USP6NL: variants seen among roughly 807,000 people sequenced by gnomAD.
USP6NL encodes the protein USP6 N-terminal-like protein.
Under a neutral mutation model 61.9 loss-of-function variants are expected in USP6NL, and 26 were observed. The ratio of observed to expected loss-of-function variants is 0.42; its 90% CI spans 0.31 to 0.58. The LOEUF (loss-of-function observed/expected upper bound fraction) is 0.58, where lower values mean the gene tolerates loss of function less well. USP6NL is among the 20% of genes least tolerant of loss of function. USP6NL has a pLI of 0.16. For synonymous variants in USP6NL, 432 were observed against 390.1 expected (o/e 1.11, Z -1.27); for missense variants, 1,114 against 1,034.3 (o/e 1.08, Z -1.06).
chr10:11,535,421 A>G (rs894744240), intron 2 of USP6NL, among the ~76,000 whole-genome samples: 1 of 152,240 alleles, frequency 6.6e-6, no homozygotes, highest in Non-Finnish European at 1.5e-5. Flanking sequence ...TTAAAGACGA[A>G]GCACCATGCA....
At chr10:11,571,698 T>C (rs963741154) in intron 2 of USP6NL, among the ~76,000 whole-genome samples, 1 of 151,852 alleles carries the variant, frequency 6.6e-6, no homozygotes, top group East Asian at 1.9e-4. Context: ...TATTTGTCCA[T>C]ATGACTTTTT....
At position 11,460,885 on chromosome 10, in the gene USP6NL, AGT is replaced by A. The variant is rs376103587; in HGVS notation, c.*1554_*1555del. On this transcript the variant is annotated 3_prime_UTR_variant, in exon 15 of 15. Transcript: ENST00000609104. ...CAGAATTTTGTTTGCGTTTCAATGT[AGT>A]GTTTAGCTTTAATACACTGCACTTG... 1.0e-4 allele frequency: 16 copies of A among 152,458 alleles called. No individual in the cohort carries two copies. The East Asian group carries it at 3.1e-3, about 29-fold the overall frequency. The allele number at this position is 152,458 out of a possible 1,614,324, so 9.4% of individuals were successfully genotyped here.
Position 11,528,463 on chromosome 10 carries a change from A to G in USP6NL, c.5-896T>C, listed in dbSNP as rs930965878. Among the ~76,000 whole-genome samples, 12 of 152,176 alleles carry G rather than the reference A, an allele frequency of 7.9e-5. No homozygotes were observed. The highest frequency in any genetic ancestry group is 2.9e-4 in the African/African-American group (12 of 41,440). The stretch of plus-strand genomic sequence containing the variant: ...GCCAGGCAGCAAATACTGTGCTAAT[A>G]AGCACTTTACCCTGCCTTACCACAT... On this transcript the variant is annotated intron_variant, in intron 2 of 14. Transcript: ENST00000609104. The surrounding 1 kb of genome is among the most constrained non-coding windows in gnomAD (Gnocchi z 4.6).
intron 2 of USP6NL, among the ~76,000 whole-genome samples, chr10:11,579,960 T>C (rs1432316620): frequency 1.0e-5 from 1 of 98,086 alleles, no homozygotes. Flanking sequence ...CAGTGGAGAG[T>C]GGCGGGGGGG....
chr10:11,603,439 C>T (rs1008428515), intron 1 of USP6NL, among the ~76,000 whole-genome samples: 11 of 152,144 alleles, frequency 7.2e-5, no homozygotes, highest in African/African-American at 2.4e-4. Flanking sequence ...AATGCCTGTG[C>T]TCCATAGATA....
chr10:11,577,631 G>A (rs1801547048), intron 2 of USP6NL, among the ~76,000 whole-genome samples: 1 of 152,100 alleles, frequency 6.6e-6, no homozygotes, highest in African/African-American at 2.4e-5. Context: ...CTCCCGAGTA[G>A]CTGGGATTAC....
rs558901276 is a variant in USP6NL, at chr10:11,555,415, TAAAA to T, written c.5-27852_5-27849del. 4.8e-3 allele frequency among the ~76,000 whole-genome samples: 130 copies of T among 26,862 alleles called. 1 individual carries two copies. Among genetic ancestry groups the T allele is most frequent in the African/African-American group, 0.013 (87 of 6,562 alleles). 17.6% of individuals were successfully genotyped at this position (26,862 alleles called of 152,430 possible). The stretch of plus-strand genomic sequence containing the variant: ...GGGCAACAAGAGTGAAACTCGGTCT[TAAAA>T]AAAAAAAAAAAAAAATATATATATA... On this transcript the variant is annotated intron_variant, in intron 2 of 14. Coordinates refer to ENST00000609104, the MANE Select transcript of USP6NL (RefSeq NM_014688.5).
intron 2 of USP6NL, among the ~76,000 whole-genome samples, chr10:11,559,785 T>C (rs574764674): frequency 1.3e-5 from 2 of 152,320 alleles, no homozygotes; most frequent in South Asian, 2.1e-4. Context: ...TTTGTTCCAA[T>C]AGTGCACCAG....
At chr10:11,576,791 C>T (rs1373672620) in intron 2 of USP6NL, among the ~76,000 whole-genome samples, 1 of 152,138 alleles carries the variant, frequency 6.6e-6, no homozygotes, top group African/African-American at 2.4e-5. Context: ...GAAAAAAATC[C>T]TCCCTCTCTG....
intron 5 of USP6NL, among the ~76,000 whole-genome samples, chr10:11,514,822 A>T (rs1050379994): frequency 1.3e-5 from 2 of 152,198 alleles, no homozygotes; most frequent in African/African-American, 4.8e-5. Flanking sequence ...TACTTCTCTC[A>T]GAATGTCAGA....
intron 2 of USP6NL, among the ~76,000 whole-genome samples, chr10:11,567,773 G>A (rs1837217827): frequency 6.6e-6 from 1 of 152,140 alleles, no homozygotes; most frequent in African/African-American, 2.4e-5. Flanking sequence ...CTTACAGTGT[G>A]GCAGGCACTG....
At position 11,490,970 on chromosome 10, in the gene USP6NL, GA is replaced by G; in HGVS notation, c.495-91del. Reference sequence around the variant, plus strand: ...TAAAAAAATAAACCAAAGACTGACTGAAAACAGATAATCCAGATAAAATTAC... The same window carrying G: ...TAAAAAAATAAACCAAAGACTGACTGAAACAGATAATCCAGATAAAATTAC... On this transcript the variant is annotated intron_variant, in intron 8 of 14. Coordinates refer to ENST00000609104, the MANE Select transcript of USP6NL (RefSeq NM_014688.5). The surrounding 1 kb of genome is among the most constrained non-coding windows in gnomAD (Gnocchi z 4.5). 1.8e-6 allele frequency: 2 copies of G among 1,123,324 alleles called. No homozygotes were observed. The highest frequency in any genetic ancestry group is 2.5e-6 in the Non-Finnish European group (2 of 802,534). 69.6% of individuals were successfully genotyped at this position (1,123,324 alleles called of 1,614,324 possible).
At chr10:11,570,058 G>GCT (rs1430904859) in intron 2 of USP6NL, among the ~76,000 whole-genome samples, 6 of 152,244 alleles carry the variant, frequency 3.9e-5, no homozygotes, top group African/African-American at 1.2e-4. Flanking sequence ...AAGCTAGCTA[G>GCT]CTAGCCTTTA....
chr10:11,524,064 A>T (rs1045086266), intron 4 of USP6NL, among the ~76,000 whole-genome samples: 4 of 152,196 alleles, frequency 2.6e-5, no homozygotes, highest in Non-Finnish European at 4.4e-5. Flanking sequence ...TTGATTTTTT[A>T]AAAAAGTAGG....
At position 11,474,900 on chromosome 10, in the gene USP6NL, TATAC is replaced by T. The variant is rs1200663215; in HGVS notation, c.1078+6866_1078+6869del. On this transcript the variant is annotated intron_variant, in intron 14 of 14. Coordinates refer to ENST00000609104, the MANE Select transcript of USP6NL (RefSeq NM_014688.5). This position sits in a 1 kb window ranked among gnomAD's most constrained non-coding sequence, Gnocchi z 4.9. Reference sequence around the variant, plus strand: ...GTGGAAGCTGCGGACAGAAAAGTGCTATACCTTACACTAAGGAGTGTGGATGTTC... The same window carrying T: ...GTGGAAGCTGCGGACAGAAAAGTGCTCTTACACTAAGGAGTGTGGATGTTC... Among the ~76,000 whole-genome samples the T allele has an allele frequency of 6.6e-6, 1 of 152,186 alleles. No homozygotes were observed. Among genetic ancestry groups the T allele is most frequent in the African/African-American group, 2.4e-5 (1 of 41,434 alleles).
chr10:11,510,379 T>C lies in USP6NL; in HGVS notation c.196-704A>G, dbSNP rs147758750. Among the ~76,000 whole-genome samples, 15 of 151,920 alleles carry C rather than the reference T, an allele frequency of 9.9e-5. No individual in the cohort carries two copies. The East Asian group carries it at 1.9e-3, about 20-fold the overall frequency. On this transcript the variant is annotated intron_variant, in intron 5 of 14. Coordinates refer to ENST00000609104, the MANE Select transcript of USP6NL (RefSeq NM_014688.5). The surrounding 1 kb of genome is among the most constrained non-coding windows in gnomAD (Gnocchi z 4.8). ...TTTGTTTTTTTTTAATCAAATGCAA[T>C]GTGGGAAAGAATGTTCCAGGCAGCC... is the stretch of plus-strand genomic sequence containing the variant.
chr10:11,523,080 G>GT (rs1835273526), intron 4 of USP6NL, among the ~76,000 whole-genome samples: 1 of 152,010 alleles, frequency 6.6e-6, no homozygotes, highest in African/African-American at 2.4e-5. Flanking sequence ...TCAGCACACA[G>GT]TAAGTGCACA....
rs759480640 is a variant in USP6NL, at chr10:11,537,105, T to C, written c.5-9538A>G. On this transcript the variant is annotated intron_variant, in intron 2 of 14. Coordinates refer to ENST00000609104, the MANE Select transcript of USP6NL (RefSeq NM_014688.5). This position sits in a 1 kb window ranked among gnomAD's most constrained non-coding sequence, Gnocchi z 5.1. The stretch of plus-strand genomic sequence containing the variant: ...TATCTTCATATTCCTCCAGGTTTTG[T>C]TTTTGGGGGATTTTGTTTGTTTTGA... Among the ~76,000 whole-genome samples the C allele has an allele frequency of 2.0e-5, 3 of 150,670 alleles. No homozygotes were observed. The East Asian group carries it at 6.0e-4, about 30-fold the overall frequency.
chr10:11,570,174 G>C (rs754272302), intron 2 of USP6NL, among the ~76,000 whole-genome samples: 1 of 152,126 alleles, frequency 6.6e-6, no homozygotes, highest in Admixed American at 6.5e-5. Flanking sequence ...AAGAGGGTCC[G>C]TTAAGTACCT....
Sources: allele counts gnomAD v4.1 joint callset (sites outside exome capture counted in the v4.1 genomes callset), GRCh38; gene constraint gnomAD v4.1.1; non-coding constraint Gnocchi (gnomAD v3.1); transcripts MANE v1.5; gene names NCBI Gene and HGNC (gene_info 2026-07-23, HGNC 2026-07-21).